The following LINGO2 variants were observed in gnomAD, a reference collection of about 807,000 sequenced individuals.
LINGO2 encodes leucine rich repeat and Ig domain containing 2.
Under a neutral mutation model 30.6 loss-of-function variants are expected in LINGO2, and 14 were observed. The observed-to-expected ratio is 0.46, with a 90% CI of 0.30 to 0.72. The LOEUF is 0.72. LINGO2 is among the 30% of genes least tolerant of loss of function. LINGO2 has a pLI of 0.07. For missense variants in LINGO2, 729 were observed against 751.7 expected (o/e 0.97, Z 0.35); for synonymous variants, 317 against 288.5 (o/e 1.10, Z -1.00).
In LINGO2 at chr9:28,378,603, T is replaced by C. The variant is rs115901146; in HGVS notation, c.-278-5735A>G. On this transcript the variant is annotated intron_variant, in intron 2 of 5. Coordinates refer to ENST00000379992, the Ensembl canonical transcript of LINGO2. ...TAGACCATTGCTCCCTACTGACTGA[T>C]GAGGCTACGGAACTGTTGAGTTAGG... is the stretch of plus-strand genomic sequence containing the variant. Among the ~76,000 whole-genome samples, 495 of 152,292 alleles carry C rather than the reference T, an allele frequency of 3.3e-3. 4 individuals are homozygous for C. The highest frequency in any genetic ancestry group is 0.011 in the African/African-American group (470 of 41,564).
the LINGO2 span, among the ~76,000 whole-genome samples, chr9:28,690,807 A>G: frequency 6.6e-6 from 1 of 152,122 alleles, no homozygotes; most frequent in Non-Finnish European, 1.5e-5. Flanking sequence ...CATTCTAACA[A>G]TTCACTCTTA....
chr9:28,154,163 G>A (rs1276840279), intron 4 of LINGO2, among the ~76,000 whole-genome samples: 2 of 152,066 alleles, frequency 1.3e-5, no homozygotes, highest in African/African-American at 4.8e-5. Flanking sequence ...AGAAGACAGA[G>A]GTAAAGGAAG....
At chr9:29,112,554 A>G in the LINGO2 span, among the ~76,000 whole-genome samples, 4 of 152,198 alleles carry the variant, frequency 2.6e-5, no homozygotes, top group African/African-American at 9.6e-5. Context: ...TCTATTCAAA[A>G]AGTTGTGCCA....
chr9:29,168,978 C>T, the LINGO2 span, among the ~76,000 whole-genome samples: 36 of 152,104 alleles, frequency 2.4e-4, no homozygotes, highest in East Asian at 2.5e-3. Context: ...ATTTTTGAGA[C>T]GCTCTTGTCA....
the LINGO2 span, among the ~76,000 whole-genome samples, chr9:28,805,010 G>A: frequency 1.1e-4 from 16 of 152,170 alleles, no homozygotes; most frequent in East Asian, 1.7e-3. Context: ...TACAGTCCAC[G>A]TCTTAACATG....
the LINGO2 span, among the ~76,000 whole-genome samples, chr9:28,753,243 C>T: frequency 6.6e-6 from 1 of 152,006 alleles, no homozygotes; most frequent in Non-Finnish European, 1.5e-5. Flanking sequence ...TCTAGAGCTG[C>T]AGTTTTGCCT....
the LINGO2 span, among the ~76,000 whole-genome samples, chr9:28,686,800 A>G: frequency 2.6e-5 from 4 of 152,056 alleles, no homozygotes; most frequent in Admixed American, 6.6e-5. Context: ...CTTGGCTTAA[A>G]TTACACCAGA....
rs570618177 is a variant in LINGO2 at position 27,992,503 on chromosome 9, CA to C, written c.-36+19851del. 3.6e-3 allele frequency among the ~76,000 whole-genome samples: 547 copies of C among 150,426 alleles called. 5 individuals are homozygous for C. The highest frequency in any genetic ancestry group is 0.013 in the African/African-American group (519 of 41,014). The stretch of plus-strand genomic sequence containing the variant: ...AATATTATCATAGGTAAGGAAAAGC[CA>C]AAAAAAATTAAAATAGTTATGTAAT... On this transcript the variant is annotated intron_variant, in intron 5 of 5. Coordinates refer to ENST00000379992, the Ensembl canonical transcript of LINGO2.
chr9:28,383,576 C>T (rs538310344), intron 2 of LINGO2, among the ~76,000 whole-genome samples: 4 of 151,964 alleles, frequency 2.6e-5, no homozygotes, highest in South Asian at 4.2e-4. Context: ...TCACAGTGCA[C>T]GAAGCCATAA....
intron 4 of LINGO2, among the ~76,000 whole-genome samples, chr9:28,119,863 A>T (rs1827042747): frequency 6.6e-6 from 1 of 152,184 alleles, no homozygotes; most frequent in Non-Finnish European, 1.5e-5. Context: ...AAGCACAAAA[A>T]CACCCTTCAA....
At chr9:28,887,890 A>G in the LINGO2 span, among the ~76,000 whole-genome samples, 1 of 152,152 alleles carries the variant, frequency 6.6e-6, no homozygotes, top group Non-Finnish European at 1.5e-5. Flanking sequence ...ACTGGATTTA[A>G]TTTGCAAAAA....
At chr9:27,942,144 T>G in the LINGO2 span, 21 of 152,334 alleles carry the variant, frequency 1.4e-4, no homozygotes, top group East Asian at 1.7e-3. Context: ...CAGGTTGAAC[T>G]ATGACCCCTT....
At position 28,483,546 on chromosome 9, in the gene LINGO2, G is replaced by GA. The variant is rs1008383026; in HGVS notation, c.-364-7522dup. 2.0e-3 allele frequency among the ~76,000 whole-genome samples: 280 copies of GA among 143,146 alleles called. 8 individuals are homozygous for GA. The highest frequency in any genetic ancestry group is 1.4e-3 in the East Asian group (7 of 4,974). 93.9% of individuals were successfully genotyped at this position (143,146 alleles called of 152,430 possible). Reference sequence around the variant, plus strand: ...GGTTTCACTGCTGCTTTAGTGACAGGAAAAAAAAAAAGATAAAAAAAGAAC... The same window carrying GA: ...GGTTTCACTGCTGCTTTAGTGACAGGAAAAAAAAAAAAGATAAAAAAAGAAC... On this transcript the variant is annotated intron_variant, in intron 1 of 5. Transcript: ENST00000379992.
intron 3 of LINGO2, among the ~76,000 whole-genome samples, chr9:28,336,355 A>AGTTG (rs2134367374): frequency 6.6e-6 from 1 of 152,256 alleles, no homozygotes; most frequent in African/African-American, 2.4e-5. Flanking sequence ...TTTCCCCTCA[A>AGTTG]GTTGGTAATT....
chr9:28,572,248 T>A (rs1199298499), intron 1 of LINGO2, among the ~76,000 whole-genome samples: 1 of 152,084 alleles, frequency 6.6e-6, no homozygotes, highest in Non-Finnish European at 1.5e-5. Flanking sequence ...ACAAATGACT[T>A]AACACTATCC....
chr9:29,097,119 A>G, the LINGO2 span, among the ~76,000 whole-genome samples: 2 of 138,856 alleles, frequency 1.4e-5, no homozygotes, highest in East Asian at 2.5e-4. Flanking sequence ...TATGTATTTA[A>G]TAAGAATAAA....
the LINGO2 span, among the ~76,000 whole-genome samples, chr9:29,114,831 T>TA: frequency 1.3e-5 from 2 of 151,914 alleles, no homozygotes; most frequent in Non-Finnish European, 2.9e-5. Context: ...TTAATATATT[T>TA]AAAAAAAGAT....
chr9:28,108,158 AG>A (rs1179192021), intron 4 of LINGO2, among the ~76,000 whole-genome samples: 6 of 152,120 alleles, frequency 3.9e-5, no homozygotes, highest in African/African-American at 1.4e-4. Context: ...CGATTCCGAA[AG>A]CTCTCTCGCA....
intron 4 of LINGO2, among the ~76,000 whole-genome samples, chr9:28,195,388 G>A (rs1299404491): frequency 1.3e-5 from 2 of 150,900 alleles, no homozygotes; most frequent in Non-Finnish European, 3.0e-5. Context: ...GATGGTGAGC[G>A]ACAAAAAGCG....
Sources: gnomAD v4.1 joint callset for allele counts (sites outside exome capture counted in the v4.1 genomes callset) on GRCh38, gnomAD v4.1.1 for gene constraint, MANE v1.5 for transcripts, NCBI Gene and HGNC (gene_info 2026-07-23, HGNC 2026-07-21) for gene names.